Variants in SESN1 observed in about 807,000 individuals in gnomAD.
SESN1 encodes sestrin 1.
Under a neutral mutation model 59.3 loss-of-function variants are expected in SESN1, and 30 were observed. The observed-to-expected ratio is 0.51, with a 90% CI of 0.38 to 0.69. SESN1 has a LOEUF of 0.69. Among genes scored for constraint, SESN1 ranks in the 30% least tolerant of loss-of-function variants. SESN1 has a pLI of 0.00. For missense variants in SESN1, 566 were observed against 673.0 expected, an observed-to-expected ratio of 0.84 and a Z score of 1.76; for synonymous variants, 197 against 219.9, an observed-to-expected ratio of 0.90 and a Z score of 0.92.
chr6:109,009,413 C>A, intron 1 of SESN1: 12 of 1,456,534 alleles, frequency 8.2e-6, no homozygotes, highest in Non-Finnish European at 1.1e-5. Flanking sequence ...GCCCCGAGAC[C>A]GCCAAAGGGG....
chr6:109,025,649 CAG>C (rs1231907096), intron 1 of SESN1, among the ~76,000 whole-genome samples: 1 of 151,138 alleles, frequency 6.6e-6, no homozygotes, highest in African/African-American at 2.4e-5. Context: ...AATAACTAGA[CAG>C]ATTTGAAAAT....
At chr6:109,032,213 G>A (rs189061327) in intron 1 of SESN1, among the ~76,000 whole-genome samples, 3 of 151,650 alleles carry the variant, frequency 2.0e-5, no homozygotes, top group Admixed American at 6.6e-5. Flanking sequence ...CGGAGGTTGC[G>A]GTGAGCTGAG....
chr6:109,062,561 C>T (rs1780750095), intron 1 of SESN1, among the ~76,000 whole-genome samples: 1 of 152,090 alleles, frequency 6.6e-6, no homozygotes, highest in Non-Finnish European at 1.5e-5. Context: ...TTAACGAAAA[C>T]ACTATGAGAA....
intron 7 of SESN1, 111 bp from the exon 8 acceptor site, chr6:108,990,946 G>C: frequency 1.1e-6 from 1 of 879,226 alleles, no homozygotes; most frequent in Non-Finnish European, 1.7e-6. Context: ...AATCCAACTG[G>C]CTTTTATCCC....
chr6:109,002,146 G>T, intron 2 of SESN1, 132 bp downstream of exon 2: 2 of 687,228 alleles, frequency 2.9e-6, no homozygotes. Context: ...CACTGCCAAA[G>T]AATGATTAAC....
chr6:109,076,627 G>T (rs922628527), intron 1 of SESN1, among the ~76,000 whole-genome samples: 1 of 152,018 alleles, frequency 6.6e-6, no homozygotes, highest in African/African-American at 2.4e-5. Flanking sequence ...ACAAAAATGA[G>T]GCCAAAACTT....
At chr6:109,072,763 G>A (rs1490360250) in intron 1 of SESN1, among the ~76,000 whole-genome samples, 1 of 152,054 alleles carries the variant, frequency 6.6e-6, no homozygotes, top group Admixed American at 6.6e-5. Context: ...AATTCAAGGA[G>A]TTTAAAGTAA....
intron 1 of SESN1, among the ~76,000 whole-genome samples, chr6:109,029,699 A>G (rs1169691156): frequency 6.6e-6 from 1 of 151,842 alleles, no homozygotes; most frequent in Non-Finnish European, 1.5e-5. Flanking sequence ...ACACCCAGCT[A>G]TTTTTTTATT....
At chr6:109,071,275 A>T (rs1780929489) in intron 1 of SESN1, among the ~76,000 whole-genome samples, 1 of 152,138 alleles carries the variant, frequency 6.6e-6, no homozygotes, top group Admixed American at 6.5e-5. Context: ...AAGAAAAATA[A>T]ATCAAGATAA....
chr6:109,000,771 G>A, intron 3 of SESN1, 98 bp from the exon 4 acceptor site: 5 of 1,047,198 alleles, frequency 4.8e-6, no homozygotes, highest in Non-Finnish European at 6.2e-6. Context: ...AAGTTTATTA[G>A]TATGTTTTCA....
At chr6:109,058,486 T>C (rs550007278) in intron 1 of SESN1, among the ~76,000 whole-genome samples, 10 of 152,246 alleles carry the variant, frequency 6.6e-5, no homozygotes, top group African/African-American at 1.9e-4. Context: ...AAGGACAAAA[T>C]TGCCTGATGA....
intron 1 of SESN1, among the ~76,000 whole-genome samples, chr6:109,019,887 G>A (rs1379141002): frequency 2.0e-5 from 3 of 152,160 alleles, no homozygotes; most frequent in African/African-American, 4.8e-5. Context: ...TTAGTTTGTA[G>A]ATCATAAATA....
intron 1 of SESN1, among the ~76,000 whole-genome samples, chr6:109,078,110 T>A (rs1485053215): frequency 6.6e-6 from 1 of 152,164 alleles, no homozygotes; most frequent in Non-Finnish European, 1.5e-5. Context: ...CTTTTCTATT[T>A]AAATTTGTAT....
chr6:109,052,054 G>A (rs1780550363), intron 1 of SESN1, among the ~76,000 whole-genome samples: 1 of 152,162 alleles, frequency 6.6e-6, no homozygotes, highest in South Asian at 2.1e-4. Flanking sequence ...AAAAGTAATT[G>A]AGGTTTTTGC....
intron 8 of SESN1, among the ~76,000 whole-genome samples, chr6:108,989,802 G>A (rs564185116): frequency 5.9e-5 from 9 of 152,220 alleles, no homozygotes; most frequent in East Asian, 1.9e-4. Context: ...AGTTGTGTGC[G>A]TTGCTCCACT....
In SESN1 at chr6:109,009,350, C is replaced by CCCAGGTACCTCGTCCTGGTCGCG. The variant is rs1211061282; in HGVS notation, c.280-7030_280-7008dup. ...ACCCAGCGGCCCGCTCAGCCCCTCG[C>CCCAGGTACCTCGTCCTGGTCGCG]CCAGGTACCTCGTCCTGGTCGCGGC... On this transcript the variant is annotated intron_variant, in intron 1 of 9. Transcript: ENST00000436639. 3 of 1,470,678 alleles carry CCCAGGTACCTCGTCCTGGTCGCG rather than the reference C, an allele frequency of 2.0e-6. No homozygotes were observed. In the South Asian group the frequency reaches 3.9e-5, roughly 19 times the overall value. 91.1% of individuals were successfully genotyped at this position (1,470,678 alleles called of 1,614,324 possible). A position where few individuals can be genotyped will look rare whatever the true frequency, so the allele number is the denominator to read the frequency against.
intron 1 of SESN1, among the ~76,000 whole-genome samples, chr6:109,054,583 G>A (rs961430236): frequency 4.7e-4 from 71 of 152,068 alleles, no homozygotes; most frequent in Non-Finnish European, 9.0e-4. Context: ...ATCTCCTGAA[G>A]GACAATCTAC....
chr6:109,026,227 A>C (rs1380455700), intron 1 of SESN1, among the ~76,000 whole-genome samples: 1 of 152,208 alleles, frequency 6.6e-6, no homozygotes, highest in African/African-American at 2.4e-5. Context: ...ATTTTAAGAG[A>C]CAAAAACTAA....
At chr6:109,042,533 A>G (rs1780358934) in intron 1 of SESN1, among the ~76,000 whole-genome samples, 1 of 151,080 alleles carries the variant, frequency 6.6e-6, no homozygotes, top group Non-Finnish European at 1.5e-5. Context: ...ATTATTGCGA[A>G]AAAAAAAAAA....
Sources: gnomAD v4.1 joint callset for allele counts (sites outside exome capture counted in the v4.1 genomes callset) on GRCh38, gnomAD v4.1.1 for gene constraint, MANE v1.5 for transcripts, NCBI Gene and HGNC (gene_info 2026-07-23, HGNC 2026-07-21) for gene names.